The following SSBP2 variants were observed in gnomAD, a reference collection of about 807,000 sequenced individuals.
SSBP2 encodes the protein single stranded DNA binding protein 2.
SSBP2 carries 17 observed loss-of-function variants against 61.8 expected under a neutral mutation model. The observed-to-expected ratio is 0.28, with a 90% CI of 0.19 to 0.41. The LOEUF (loss-of-function observed/expected upper bound fraction) is 0.41. Among genes scored for constraint, SSBP2 ranks in the 10% least tolerant of loss-of-function variants. The probability of loss-of-function intolerance (pLI) is 1.00; values close to 1 mark genes in which losing one functional copy is unlikely to be tolerated. For synonymous variants in SSBP2, 139 were observed against 141.3 expected, an observed-to-expected ratio of 0.98 and a Z score of 0.12; for missense variants, 310 against 458.7, an observed-to-expected ratio of 0.68 and a Z score of 2.96.
chr5:81,432,156 T>C (rs1444361822), intron 15 of SSBP2, among the ~76,000 whole-genome samples: 1 of 152,132 alleles, frequency 6.6e-6, no homozygotes, highest in Non-Finnish European at 1.5e-5. Context: ...AAGAACAAAC[T>C]GTCAGTCATT....
rs181892307 is a variant in SSBP2, at chr5:81,644,323, A to G, written c.135+5944T>C. On this transcript the variant is annotated intron_variant, in intron 2 of 16. Coordinates refer to ENST00000320672, the MANE Select transcript of SSBP2 (RefSeq NM_012446.5). ...AGACAGAAGCCACTAGGAATGGTGC[A>G]AAAGGAAGAATGCAGAGAGGAAAAC... 3.0e-4 allele frequency among the ~76,000 whole-genome samples: 45 copies of G among 152,350 alleles called. No homozygotes were observed. In the East Asian group the frequency reaches 8.1e-3, roughly 27 times the overall value.
intron 4 of SSBP2, among the ~76,000 whole-genome samples, chr5:81,567,963 G>C (rs970474646): frequency 7.9e-5 from 12 of 152,176 alleles, no homozygotes; most frequent in African/African-American, 2.9e-4. Flanking sequence ...GCTTGCTTTT[G>C]ATTTTACAGG....
intron 3 of SSBP2, among the ~76,000 whole-genome samples, chr5:81,625,793 G>T (rs963198870): frequency 5.3e-5 from 8 of 152,168 alleles, no homozygotes; most frequent in African/African-American, 9.7e-5. Flanking sequence ...GTCTACAAGG[G>T]TGAATAAACA....
At chr5:81,435,042 A>G (rs1762588644) in intron 15 of SSBP2, among the ~76,000 whole-genome samples, 1 of 152,174 alleles carries the variant, frequency 6.6e-6, no homozygotes, top group South Asian at 2.1e-4. Context: ...TAGAGCCCAG[A>G]GCCAATGAAC....
intron 1 of SSBP2, among the ~76,000 whole-genome samples, chr5:81,697,322 C>T (rs1430383971): frequency 6.6e-6 from 1 of 152,210 alleles, no homozygotes; most frequent in African/African-American, 2.4e-5. Flanking sequence ...GAAAGGAAGA[C>T]TCACTGTAGT....
At chr5:81,483,328 T>C (rs920708971) in intron 6 of SSBP2, among the ~76,000 whole-genome samples, 1 of 152,170 alleles carries the variant, frequency 6.6e-6, no homozygotes, top group Non-Finnish European at 1.5e-5. Context: ...TGAAGCATAG[T>C]AAAATGAGGT....
intron 10 of SSBP2, among the ~76,000 whole-genome samples, chr5:81,452,244 T>C (rs1348808613): frequency 6.6e-6 from 1 of 152,220 alleles, no homozygotes; most frequent in African/African-American, 2.4e-5. Flanking sequence ...TAAGGAGTCA[T>C]GGGTTTTATA....
At chr5:81,656,341 C>T (rs777772495) in intron 1 of SSBP2, among the ~76,000 whole-genome samples, 7 of 152,210 alleles carry the variant, frequency 4.6e-5, no homozygotes, top group East Asian at 1.9e-4. Flanking sequence ...TGAGCCATCA[C>T]GCCTGGCCAG....
At chr5:81,610,284 A>C (rs1290286400) in intron 4 of SSBP2, among the ~76,000 whole-genome samples, 2 of 152,120 alleles carry the variant, frequency 1.3e-5, no homozygotes, top group Non-Finnish European at 2.9e-5. Flanking sequence ...AATGATCCTA[A>C]ATTATGTCTA....
At chr5:81,519,337 T>C (rs1769279374) in intron 4 of SSBP2, among the ~76,000 whole-genome samples, 2 of 152,178 alleles carry the variant, frequency 1.3e-5, no homozygotes, top group South Asian at 4.1e-4. Flanking sequence ...GTCACTGAAA[T>C]ATTTAGTTTT....
intron 12 of SSBP2, among the ~76,000 whole-genome samples, chr5:81,444,514 C>A (rs1365994363): frequency 6.6e-6 from 1 of 152,120 alleles, no homozygotes; most frequent in Non-Finnish European, 1.5e-5. Context: ...CCAACTAGGA[C>A]ATAATAAGCT....
chr5:81,664,129 G>GT (rs71278675), intron 1 of SSBP2, among the ~76,000 whole-genome samples: 58,253 of 141,424 alleles, frequency 0.41, 12,437 homozygotes, highest in Middle Eastern at 0.58. Flanking sequence ...TTTTGTTTTT[G>GT]TTTTTTTTTT....
chr5:81,574,026 A>G (rs916630540), intron 4 of SSBP2, among the ~76,000 whole-genome samples: 7 of 152,120 alleles, frequency 4.6e-5, no homozygotes, highest in Admixed American at 1.3e-4. Context: ...CTGTAGTCCC[A>G]GCTACTCGGG....
At chr5:81,738,307 G>A (rs892242544) in intron 1 of SSBP2, among the ~76,000 whole-genome samples, 1 of 152,126 alleles carries the variant, frequency 6.6e-6, no homozygotes, top group Non-Finnish European at 1.5e-5. Context: ...ATGAATGTCA[G>A]ATTTCAATAA....
chr5:81,599,333 C>G (rs1744110267), intron 4 of SSBP2, among the ~76,000 whole-genome samples: 1 of 152,150 alleles, frequency 6.6e-6, no homozygotes, highest in African/African-American at 2.4e-5. Context: ...TTCTATTTTT[C>G]CCCTATTCTT....
At chr5:81,639,716 T>C (rs1361586305) in intron 2 of SSBP2, among the ~76,000 whole-genome samples, 1 of 152,038 alleles carries the variant, frequency 6.6e-6, no homozygotes, top group Non-Finnish European at 1.5e-5. Flanking sequence ...CAGTAAAATA[T>C]GCCCAGAGGC....
chr5:81,606,492 C>T (rs1310132065), intron 4 of SSBP2, among the ~76,000 whole-genome samples: 1 of 152,104 alleles, frequency 6.6e-6, no homozygotes, highest in African/African-American at 2.4e-5. Context: ...AACGCTCATC[C>T]AGACAAGATA....
At chr5:81,687,831 G>A (rs1752930942) in intron 1 of SSBP2, among the ~76,000 whole-genome samples, 1 of 152,158 alleles carries the variant, frequency 6.6e-6, no homozygotes, top group Admixed American at 6.5e-5. Context: ...AGCCCTTGGG[G>A]CCTGAATAAT....
chr5:81,576,431 T>C (rs1377782024), intron 4 of SSBP2, among the ~76,000 whole-genome samples: 3 of 152,082 alleles, frequency 2.0e-5, no homozygotes, highest in Non-Finnish European at 2.9e-5. Context: ...AACTAGTAAA[T>C]GGTGTAAGTA....
Sources: gnomAD v4.1 joint callset for allele counts (sites outside exome capture counted in the v4.1 genomes callset) on GRCh38, gnomAD v4.1.1 for gene constraint, MANE v1.5 for transcripts, NCBI Gene and HGNC (gene_info 2026-07-23, HGNC 2026-07-21) for gene names.